Variants in GBE1 observed in about 807,000 individuals in gnomAD.
The protein encoded by GBE1 is 1,4-alpha-glucan branching enzyme 1.
GBE1 carries 70 observed loss-of-function variants against 88.8 expected under a neutral mutation model. The ratio of observed to expected loss-of-function variants is 0.79; its 90% CI spans 0.65 to 0.96. The LOEUF (loss-of-function observed/expected upper bound fraction) is 0.96. Among genes scored for constraint, GBE1 ranks in the 40% least tolerant of loss-of-function variants. The pLI is 0.00. For missense variants in GBE1, 872 were observed against 871.0 expected (o/e 1.00, Z -0.01); for synonymous variants, 284 against 300.1 (o/e 0.95, Z 0.56).
intron 10 of GBE1, among the ~76,000 whole-genome samples, chr3:81,581,592 C>T (rs1007319604): frequency 1.3e-5 from 2 of 151,784 alleles, no homozygotes; most frequent in Non-Finnish European, 2.9e-5. Context: ...TGATTAATGC[C>T]CACAGTAATG....
At chr3:81,710,035 A>C (rs2107174594) in intron 1 of GBE1, among the ~76,000 whole-genome samples, 1 of 152,298 alleles carries the variant, frequency 6.6e-6, no homozygotes, top group East Asian at 1.9e-4. Context: ...TCAATGTTTT[A>C]AATCCTCTGT....
rs149250024 is a variant in GBE1, at chr3:81,730,791, G to A, written c.144-25178C>T. ...ATAAAGAACCCCGTGTAGCCAATAC[G>A]GAGGCAGCTGTGATTACAAACTGAG... On this transcript the variant is annotated intron_variant, in intron 1 of 15. Transcript: ENST00000429644. Among the ~76,000 whole-genome samples, 899 of 152,238 alleles carry A rather than the reference G, an allele frequency of 5.9e-3. 10 individuals carry two copies. The highest frequency in any genetic ancestry group is 0.016 in the African/African-American group (645 of 41,542).
rs1472787257 is a variant in GBE1 at position 81,728,914 on chromosome 3, T to G, written c.144-23301A>C. On this transcript the variant is annotated intron_variant, in intron 1 of 15. Transcript: ENST00000429644. ...CCTCCAAATTCACCCCCCCTTTTTT[T>G]TTTGCACACCACTCTCTGACTCAAG... is the stretch of plus-strand genomic sequence containing the variant. Among the ~76,000 whole-genome samples the G allele has an allele frequency of 5.3e-5, 8 of 152,050 alleles. No individual in the cohort carries two copies. The South Asian group carries it at 8.3e-4, about 16-fold the overall frequency.
chr3:81,556,005 G>C (rs1014485505), intron 12 of GBE1, among the ~76,000 whole-genome samples: 6 of 151,992 alleles, frequency 3.9e-5, no homozygotes, highest in African/African-American at 1.4e-4. Flanking sequence ...TTAGAGCTTT[G>C]ATCTGGACTA....
intron 15 of GBE1, among the ~76,000 whole-genome samples, chr3:81,494,123 T>C (rs1236977045): frequency 1.3e-5 from 2 of 152,186 alleles, no homozygotes; most frequent in African/African-American, 4.8e-5. Context: ...ATTACCAGAA[T>C]GTGTTTATAT....
intron 1 of GBE1, among the ~76,000 whole-genome samples, chr3:81,726,388 G>C (rs1376904463): frequency 6.6e-6 from 1 of 152,090 alleles, no homozygotes; most frequent in Non-Finnish European, 1.5e-5. Context: ...ACAGGAAATG[G>C]TTATTGAAAC....
At chr3:81,748,375 G>A (rs1050983150) in intron 1 of GBE1, among the ~76,000 whole-genome samples, 1 of 152,076 alleles carries the variant, frequency 6.6e-6, no homozygotes, top group Non-Finnish European at 1.5e-5. Context: ...ACTTTGGAAG[G>A]CCGAGGAGGG....
intron 14 of GBE1, among the ~76,000 whole-genome samples, chr3:81,515,936 G>C (rs1702793277): frequency 6.6e-6 from 1 of 151,660 alleles, no homozygotes; most frequent in Non-Finnish European, 1.5e-5. Flanking sequence ...CAGAAGAAAA[G>C]TTTAAAGCTA....
At chr3:81,512,146 G>A (rs1422059028) in intron 14 of GBE1, among the ~76,000 whole-genome samples, 1 of 151,900 alleles carries the variant, frequency 6.6e-6, no homozygotes, top group Non-Finnish European at 1.5e-5. Context: ...TAAACATTGG[G>A]TACACATGAA....
chr3:81,635,677 T>C (rs745510496), intron 7 of GBE1, among the ~76,000 whole-genome samples: 1 of 152,150 alleles, frequency 6.6e-6, no homozygotes. Context: ...TTTAAAAAGG[T>C]CATAAACAAA....
chr3:81,577,102 C>T (rs1312454992), intron 12 of GBE1, among the ~76,000 whole-genome samples: 5 of 151,766 alleles, frequency 3.3e-5, no homozygotes, highest in African/African-American at 1.2e-4. Context: ...CCACACCCAG[C>T]ATTTTTTTTT....
chr3:81,636,665 G>T (rs1051732341), intron 7 of GBE1, among the ~76,000 whole-genome samples: 2 of 151,752 alleles, frequency 1.3e-5, no homozygotes, highest in Non-Finnish European at 2.9e-5. Flanking sequence ...CAAGTAGGTG[G>T]GATTACAGGC....
rs191552640 is a variant in GBE1, at chr3:81,754,851, A to G, written c.143+6524T>C. Among the ~76,000 whole-genome samples, 619 of 152,308 alleles carry G rather than the reference A, an allele frequency of 4.1e-3. 10 individuals carry two copies. The highest frequency in any genetic ancestry group is 0.032 in the South Asian group (152 of 4,824). On this transcript the variant is annotated intron_variant, in intron 1 of 15. Transcript: ENST00000429644. ...TCAAATGGATTAAAAACTTTAGTCT[A>G]AGACCTGAAACTATGAAAATTGTAG...
intron 7 of GBE1, among the ~76,000 whole-genome samples, chr3:81,629,717 TTTATTA>T (rs963603978): frequency 2.6e-5 from 4 of 151,788 alleles, no homozygotes; most frequent in Non-Finnish European, 5.9e-5. Flanking sequence ...TTATATATTT[TTTATTA>T]TTATTATTAT....
At chr3:81,535,550 C>G (rs1220692473) in intron 13 of GBE1, among the ~76,000 whole-genome samples, 2 of 151,958 alleles carry the variant, frequency 1.3e-5, no homozygotes, top group Non-Finnish European at 2.9e-5. Context: ...CCACTTGCTA[C>G]CCTCATAGCA....
At chr3:81,526,050 T>C (rs1702940395) in intron 14 of GBE1, among the ~76,000 whole-genome samples, 1 of 152,114 alleles carries the variant, frequency 6.6e-6, no homozygotes, top group Non-Finnish European at 1.5e-5. Context: ...GCTCTGATCA[T>C]AGTTATTTCT....
At chr3:81,678,541 T>C (rs189092226) in intron 2 of GBE1, among the ~76,000 whole-genome samples, 40 of 152,320 alleles carry the variant, frequency 2.6e-4, no homozygotes, top group African/African-American at 9.1e-4. Context: ...ATTTTAACAA[T>C]GTTTCATCAA....
At chr3:81,657,391 A>T (rs547873307) in intron 3 of GBE1, among the ~76,000 whole-genome samples, 2 of 148,966 alleles carry the variant, frequency 1.3e-5, no homozygotes, top group East Asian at 2.0e-4. Flanking sequence ...ACAAAAAAAA[A>T]ATATCTATTG....
chr3:81,607,237 T>C (rs1704115685), intron 7 of GBE1, among the ~76,000 whole-genome samples: 1 of 152,208 alleles, frequency 6.6e-6, no homozygotes, highest in African/African-American at 2.4e-5. Flanking sequence ...GTTTACCTCT[T>C]CATAAAGTTT....
Sources: allele counts gnomAD v4.1 joint callset (sites outside exome capture counted in the v4.1 genomes callset), GRCh38; gene constraint gnomAD v4.1.1; transcripts MANE v1.5; gene names NCBI Gene and HGNC (gene_info 2026-07-23, HGNC 2026-07-21).